MARCHF1: variants seen among roughly 807,000 people sequenced by gnomAD.
MARCHF1 encodes the protein E3 ubiquitin-protein ligase MARCHF1.
A neutral mutation model predicts 54.2 loss-of-function variants in MARCHF1; 40 were observed. That is an observed-to-expected ratio of 0.74 (90% CI 0.57 to 0.96). MARCHF1 has a LOEUF of 0.96. MARCHF1 is among the 40% of genes least tolerant of loss of function. MARCHF1 has a pLI of 0.00. For synonymous variants in MARCHF1, 236 were observed against 236.3 expected (o/e 1.00, Z 0.01); for missense variants, 586 against 656.5 (o/e 0.89, Z 1.17).
At chr4:163,702,005 G>A (rs1344616102) in intron 4 of MARCHF1, among the ~76,000 whole-genome samples, 1 of 152,138 alleles carries the variant, frequency 6.6e-6, no homozygotes, top group African/African-American at 2.4e-5. Flanking sequence ...GTGATGACAG[G>A]ATATGGCAGA....
chr4:164,189,030 A>G (rs1167675901), intron 1 of MARCHF1: 1 of 692,404 alleles, frequency 1.4e-6, no homozygotes, highest in Non-Finnish European at 2.6e-6. Context: ...GAGGGGGAGA[A>G]GACATCCTGT....
chr4:164,103,984 C>A (rs1033532658), intron 2 of MARCHF1, among the ~76,000 whole-genome samples: 8 of 150,896 alleles, frequency 5.3e-5, no homozygotes, highest in Middle Eastern at 3.2e-3. Flanking sequence ...ATACTACAAA[C>A]ACCTCTACGC....
At chr4:163,899,824 T>C (rs183604869) in intron 3 of MARCHF1, among the ~76,000 whole-genome samples, 4 of 151,762 alleles carry the variant, frequency 2.6e-5, no homozygotes, top group Admixed American at 2.6e-4. Flanking sequence ...TTTCTCTTTC[T>C]TAGCAAATAA....
chr4:163,874,433 G>A lies in MARCHF1; in HGVS notation c.-38-20264C>T, dbSNP rs145082260. ...AAAGAGGCAGGAACAAAGGGATACCGAAGTGACTGAGATTTGTATTAGTGG... is the reference window on the plus strand; with the variant it reads ...AAAGAGGCAGGAACAAAGGGATACCAAAGTGACTGAGATTTGTATTAGTGG... On this transcript the variant is annotated intron_variant, in intron 3 of 9. Transcript: ENST00000514618. Among the ~76,000 whole-genome samples the A allele has an allele frequency of 2.0e-3, 309 of 152,242 alleles. 2 individuals are homozygous for A. The highest frequency in any genetic ancestry group is 7.0e-3 in the African/African-American group (292 of 41,554).
chr4:164,282,082 T>A lies in MARCHF1; in HGVS notation c.-323+101788A>T, dbSNP rs1406928797. Among the ~76,000 whole-genome samples, 3 of 150,888 alleles carry A rather than the reference T, an allele frequency of 2.0e-5. 1 individual carries two copies. The Admixed American group carries it at 2.0e-4, about 10-fold the overall frequency. On this transcript the variant is annotated intron_variant, in intron 1 of 9. Transcript: ENST00000514618. The stretch of plus-strand genomic sequence containing the variant: ...TGCATAAATCATTATTTCCTCTGAA[T>A]ATGATGCTTGCTTTTTTATATTAAC...
At chr4:164,170,287 T>C (rs1730487707) in intron 1 of MARCHF1, among the ~76,000 whole-genome samples, 1 of 152,172 alleles carries the variant, frequency 6.6e-6, no homozygotes, top group Admixed American at 6.5e-5. Context: ...TGCAAAGGTC[T>C]ACTTTTTCAT....
At chr4:164,059,438 T>A (rs189686786) in intron 2 of MARCHF1, among the ~76,000 whole-genome samples, 1 of 152,294 alleles carries the variant, frequency 6.6e-6, no homozygotes, top group East Asian at 1.9e-4. Flanking sequence ...CCTTTAAAAT[T>A]AAGAGCTCTC....
chr4:163,931,322 T>C (rs1278940013), intron 3 of MARCHF1, among the ~76,000 whole-genome samples: 3 of 152,170 alleles, frequency 2.0e-5, no homozygotes, highest in Non-Finnish European at 4.4e-5. Flanking sequence ...GGTGCTGTAA[T>C]TGAATGCATG....
intron 5 of MARCHF1, among the ~76,000 whole-genome samples, chr4:163,619,474 TAGG>T (rs1365430769): frequency 6.6e-6 from 1 of 152,150 alleles, no homozygotes; most frequent in Non-Finnish European, 1.5e-5. Flanking sequence ...TAAAACTCAG[TAGG>T]ATCCAGAAAT....
intron 3 of MARCHF1, among the ~76,000 whole-genome samples, chr4:163,899,936 G>C (rs956916136): frequency 6.6e-6 from 1 of 151,082 alleles, no homozygotes; most frequent in Non-Finnish European, 1.5e-5. Flanking sequence ...CTTTGCAATG[G>C]TCTTTCCTTA....
intron 4 of MARCHF1, among the ~76,000 whole-genome samples, chr4:163,725,768 C>T (rs58300113): frequency 0.025 from 3,755 of 152,172 alleles, 157 homozygotes; most frequent in African/African-American, 0.084. Flanking sequence ...AAAACTTATT[C>T]AAGCTTTCCA....
At chr4:163,911,168 T>A (rs559879263) in intron 3 of MARCHF1, among the ~76,000 whole-genome samples, 20 of 152,182 alleles carry the variant, frequency 1.3e-4, no homozygotes, top group Non-Finnish European at 2.4e-4. Context: ...AGACGACAAT[T>A]TTTAATTAGA....
At chr4:164,103,293 C>T (rs1226112891) in intron 2 of MARCHF1, among the ~76,000 whole-genome samples, 1 of 63,964 alleles carries the variant, frequency 1.6e-5, no homozygotes, top group Admixed American at 1.8e-4. Context: ...ACTCTCCACC[C>T]CAAATCAACA....
intron 4 of MARCHF1, among the ~76,000 whole-genome samples, chr4:163,821,477 T>C (rs940525616): frequency 6.6e-6 from 1 of 151,940 alleles, no homozygotes; most frequent in African/African-American, 2.4e-5. Context: ...ATTTCAATCA[T>C]CCAGATTGAT....
intron 4 of MARCHF1, among the ~76,000 whole-genome samples, chr4:163,725,064 T>C (rs1016529743): frequency 5.9e-5 from 9 of 151,994 alleles, no homozygotes; most frequent in African/African-American, 1.7e-4. Context: ...AGTACCTCAG[T>C]TGGAAATGCA....
intron 3 of MARCHF1, among the ~76,000 whole-genome samples, chr4:163,854,668 T>A (rs1363554920): frequency 2.0e-5 from 3 of 152,178 alleles, no homozygotes; most frequent in Non-Finnish European, 4.4e-5. Context: ...CTTATAAAGT[T>A]CTGCCATCTG....
At chr4:164,049,828 T>C (rs1754321229) in intron 2 of MARCHF1, among the ~76,000 whole-genome samples, 1 of 152,214 alleles carries the variant, frequency 6.6e-6, no homozygotes, top group Admixed American at 6.5e-5. Flanking sequence ...CCTTGCATTT[T>C]ATGAGGCAGG....
chr4:164,182,229 G>T (rs1284731913), intron 1 of MARCHF1, among the ~76,000 whole-genome samples: 2 of 152,070 alleles, frequency 1.3e-5, no homozygotes, highest in Non-Finnish European at 2.9e-5. Flanking sequence ...ATCGGAGCCT[G>T]ACATAGGTCA....
rs892561011 is a variant in MARCHF1 at position 164,263,161 on chromosome 4, T to C, written c.-323+120709A>G. 2.6e-5 allele frequency among the ~76,000 whole-genome samples: 4 copies of C among 151,676 alleles called. No individual in the cohort carries two copies. The South Asian group carries it at 6.2e-4, about 24-fold the overall frequency. Reference sequence around the variant, plus strand: ...GTGCGTGTGTGTGTGTGTGTGTGTATGAAAGACAGAAGAAAGAGGTAGACC... The same window carrying C: ...GTGCGTGTGTGTGTGTGTGTGTGTACGAAAGACAGAAGAAAGAGGTAGACC... On this transcript the variant is annotated intron_variant, in intron 1 of 9. Transcript: ENST00000514618.
Sources: gnomAD v4.1 joint callset for allele counts (sites outside exome capture counted in the v4.1 genomes callset) on GRCh38, gnomAD v4.1.1 for gene constraint, MANE v1.5 for transcripts, NCBI Gene and HGNC (gene_info 2026-07-23, HGNC 2026-07-21) for gene names.